Variants in LRP1B observed in about 807,000 individuals in gnomAD.
The protein encoded by LRP1B is low-density lipoprotein receptor-related protein 1B.
In LRP1B, 217 loss-of-function variants were observed where a neutral mutation model predicts 556.6. The ratio of observed to expected loss-of-function variants is 0.39; its 90% confidence interval spans 0.35 to 0.44. The LOEUF is 0.44. LRP1B is among the 20% of genes least tolerant of loss of function. LRP1B has a pLI of 1.00. For missense variants in LRP1B, 5,053 were observed against 5,620.8 expected, an observed-to-expected ratio of 0.90 and a Z score of 3.23; for synonymous variants, 2,047 against 1,865.8, an observed-to-expected ratio of 1.10 and a Z score of -2.50.
At chr2:140,402,222 C>A (rs1055377681) in intron 66 of LRP1B, among the ~76,000 whole-genome samples, 4 of 152,164 alleles carry the variant, frequency 2.6e-5, no homozygotes, top group Admixed American at 6.5e-5. Context: ...AGATGGCAGG[C>A]CTTGGGTTCC....
In LRP1B at chr2:141,197,545, A is replaced by G. The variant is rs202221905; in HGVS notation, c.851-8962T>C. Among the ~76,000 whole-genome samples the G allele has an allele frequency of 7.9e-5, 12 of 152,230 alleles. No homozygotes were observed. In the East Asian group the frequency reaches 2.3e-3, roughly 29 times the overall value. On this transcript the variant is annotated intron_variant, in intron 6 of 90. Transcript: ENST00000389484. ...TCAAAAAAGAACATATATGATATAA[A>G]TACTTGTTTCATCTGCAGTGTTTCA...
At chr2:141,482,645 C>T (rs887621007) in intron 2 of LRP1B, among the ~76,000 whole-genome samples, 12 of 151,850 alleles carry the variant, frequency 7.9e-5, no homozygotes, top group African/African-American at 2.4e-4. Flanking sequence ...AACATAAATT[C>T]ATTTAAAAAT....
chr2:140,779,874 G>A (rs1689637795), intron 32 of LRP1B, among the ~76,000 whole-genome samples: 1 of 151,444 alleles, frequency 6.6e-6, no homozygotes, highest in South Asian at 2.1e-4. Flanking sequence ...GGAACAAAAT[G>A]AGAAAATAAG....
Position 140,506,167 on chromosome 2 carries a change from C to T in LRP1B, c.8521+629G>A, listed in dbSNP as rs143887289. 1.2e-3 allele frequency among the ~76,000 whole-genome samples: 189 copies of T among 151,970 alleles called. 2 individuals are homozygous for T. In the East Asian group the frequency reaches 0.027, roughly 21 times the overall value. ...TTGGCTATACAACTGAACAAGCCAG[C>T]CATATACTGTCTTCAAATTTCAAGT... On this transcript the variant is annotated intron_variant, in intron 53 of 90. Transcript: ENST00000389484.
chr2:140,543,810 A>C (rs912320641), intron 43 of LRP1B, among the ~76,000 whole-genome samples: 44 of 152,192 alleles, frequency 2.9e-4, no homozygotes, highest in African/African-American at 9.9e-4. Context: ...TGCTAGAATG[A>C]ATAAATTAAT....
intron 3 of LRP1B, among the ~76,000 whole-genome samples, chr2:141,477,046 CTGGGAGGCAGAGGTCA>C (rs1439219660): frequency 5.3e-5 from 8 of 151,924 alleles, no homozygotes; most frequent in Non-Finnish European, 2.9e-5. Flanking sequence ...TCGCTTGAAC[CTGGGAGGCAGAGGTCA>C]TGGTGAGCCG....
chr2:141,518,414 G>A (rs951515698), intron 2 of LRP1B, among the ~76,000 whole-genome samples: 2 of 152,070 alleles, frequency 1.3e-5, no homozygotes, highest in South Asian at 4.1e-4. Flanking sequence ...GATTAAAATT[G>A]TTTTGAATAT....
chr2:140,995,326 C>CCAAACTG (rs150187433), intron 15 of LRP1B, among the ~76,000 whole-genome samples: 3,677 of 152,006 alleles, frequency 0.024, 71 homozygotes, highest in Non-Finnish European at 0.031. Flanking sequence ...TGGGTATGCC[C>CCAAACTG]CAAACTGCAA....
chr2:141,640,257 A>G (rs1689282178), intron 2 of LRP1B, among the ~76,000 whole-genome samples: 1 of 152,172 alleles, frequency 6.6e-6, no homozygotes, highest in Non-Finnish European at 1.5e-5. Context: ...AAATTCCTAG[A>G]TCTTGCACTA....
rs185179222 is a variant in LRP1B at position 140,730,952 on chromosome 2, C to T, written c.5759-14136G>A. ...AGCGCTTTTCTGGTAGTGTCTCACA[C>T]GCTTTCCTGCCTCCATCTTGACTCT... On this transcript the variant is annotated intron_variant, in intron 35 of 90. Transcript: ENST00000389484. Among the ~76,000 whole-genome samples the T allele has an allele frequency of 2.6e-4, 39 of 152,264 alleles. No individual in the cohort carries two copies. The East Asian group carries it at 6.6e-3, about 26-fold the overall frequency.
intron 1 of LRP1B, among the ~76,000 whole-genome samples, chr2:141,835,018 G>A (rs1023870633): frequency 1.4e-4 from 22 of 151,826 alleles, no homozygotes; most frequent in African/African-American, 5.1e-4. Flanking sequence ...TTGTATAGAG[G>A]AATCTCATAA....
intron 9 of LRP1B, among the ~76,000 whole-genome samples, chr2:141,055,843 T>C (rs2105457505): frequency 6.7e-6 from 1 of 149,460 alleles, no homozygotes; most frequent in South Asian, 2.1e-4. Context: ...TGTGTAGTTG[T>C]CAAATGGTGG....
intron 2 of LRP1B, among the ~76,000 whole-genome samples, chr2:141,576,530 A>G (rs1686751656): frequency 6.6e-6 from 1 of 152,194 alleles, no homozygotes; most frequent in Non-Finnish European, 1.5e-5. Context: ...ATATCTATGT[A>G]GTAAACCTAC....
At chr2:141,378,146 A>AG (rs1689505734) in intron 3 of LRP1B, among the ~76,000 whole-genome samples, 1 of 152,212 alleles carries the variant, frequency 6.6e-6, no homozygotes, top group African/African-American at 2.4e-5. Flanking sequence ...GAAAGGAAAT[A>AG]ATCTGATTTC....
intron 83 of LRP1B, among the ~76,000 whole-genome samples, chr2:140,313,908 T>C (rs538891139): frequency 1.3e-5 from 2 of 151,956 alleles, no homozygotes; most frequent in Non-Finnish European, 1.5e-5. Flanking sequence ...GTAATTAGAA[T>C]AATTTCATTA....
chr2:141,060,188 G>T (rs1433877522), intron 8 of LRP1B, among the ~76,000 whole-genome samples: 2 of 151,580 alleles, frequency 1.3e-5, no homozygotes, highest in African/African-American at 4.8e-5. Context: ...TCTATTTCTG[G>T]TCTTCTTGTA....
intron 2 of LRP1B, among the ~76,000 whole-genome samples, chr2:141,635,816 A>G (rs355601): frequency 1 from 151,934 of 152,316 alleles, 75,777 homozygotes; most frequent in Middle Eastern, 1. Context: ...ATGAATGAAT[A>G]TGTATAATAA....
At chr2:140,283,785 A>C (rs1243555647) in intron 84 of LRP1B, among the ~76,000 whole-genome samples, 1 of 151,842 alleles carries the variant, frequency 6.6e-6, no homozygotes, top group African/African-American at 2.4e-5. Flanking sequence ...TTAATGAGAC[A>C]AACTTATAGG....
At chr2:141,493,346 A>G (rs1248630406) in intron 2 of LRP1B, among the ~76,000 whole-genome samples, 2 of 152,138 alleles carry the variant, frequency 1.3e-5, no homozygotes, top group Admixed American at 1.3e-4. Context: ...TCTTGAGGAA[A>G]AGGGAAGAAA....
Sources: allele counts gnomAD v4.1 joint callset (sites outside exome capture counted in the v4.1 genomes callset), GRCh38; gene constraint gnomAD v4.1.1; transcripts MANE v1.5; gene names NCBI Gene and HGNC (gene_info 2026-07-23, HGNC 2026-07-21).